The following DIP2C variants were observed in gnomAD, a reference collection of about 807,000 sequenced individuals.
The protein encoded by DIP2C is DIP2 acetate--CoA ligase C (putative).
Under a neutral mutation model 192.4 loss-of-function variants are expected in DIP2C, and 33 were observed. That is an observed-to-expected ratio of 0.17 (90% CI 0.13 to 0.23). DIP2C has a LOEUF of 0.23. DIP2C is among the 10% of genes least tolerant of loss of function. DIP2C has a pLI of 1.00. For missense variants in DIP2C, 1,537 were observed against 2,110.1 expected (o/e 0.73, Z 5.32); for synonymous variants, 979 against 864.1 (o/e 1.13, Z -2.33).
chr10:688,362 C>T (rs1340615899), intron 1 of DIP2C, among the ~76,000 whole-genome samples: 1 of 152,152 alleles, frequency 6.6e-6, no homozygotes, highest in Non-Finnish European at 1.5e-5. Context: ...GTTGGCTGCA[C>T]ACCATGGCCC....
intron 1 of DIP2C, among the ~76,000 whole-genome samples, chr10:537,183 C>T (rs561364183): frequency 4.0e-5 from 6 of 151,576 alleles, no homozygotes; most frequent in Middle Eastern, 3.4e-3. Context: ...TGAAGGAGGG[C>T]GTGGGATCTT....
chr10:580,563 T>C (rs2131585366), intron 1 of DIP2C, among the ~76,000 whole-genome samples: 1 of 152,142 alleles, frequency 6.6e-6, no homozygotes, highest in East Asian at 1.9e-4. Context: ...CATGCACACA[T>C]GTAGGACACA....
rs1163613188 is a variant in DIP2C at position 524,283 on chromosome 10, T to G, written c.86-37753A>C. Among the ~76,000 whole-genome samples, 6 of 152,250 alleles carry G rather than the reference T, an allele frequency of 3.9e-5. No individual in the cohort carries two copies. The East Asian group carries it at 1.2e-3, about 29-fold the overall frequency. On this transcript the variant is annotated intron_variant, in intron 1 of 36. Transcript: ENST00000280886. ...CTTCCAAACCCTGGTACAGACTGTGTGAGGCCTGGAACGCGGGAGGCACAC... is the reference window on the plus strand; with the variant it reads ...CTTCCAAACCCTGGTACAGACTGTGGGAGGCCTGGAACGCGGGAGGCACAC...
At chr10:604,802 T>A (rs1852349600) in intron 1 of DIP2C, among the ~76,000 whole-genome samples, 2 of 152,202 alleles carry the variant, frequency 1.3e-5, no homozygotes, top group African/African-American at 2.4e-5. Context: ...TGGATAAGCA[T>A]GATTTTCTTC....
At chr10:458,884 A>G (rs1308673744) in intron 3 of DIP2C, among the ~76,000 whole-genome samples, 2 of 152,192 alleles carry the variant, frequency 1.3e-5, no homozygotes, top group East Asian at 3.9e-4. Context: ...AAAGAATACT[A>G]GAACACAAGT....
chr10:492,302 AGGGC>A (rs1490178172), intron 1 of DIP2C, among the ~76,000 whole-genome samples: 1 of 152,210 alleles, frequency 6.6e-6, no homozygotes, highest in Non-Finnish European at 1.5e-5. Flanking sequence ...AACTCCCCAC[AGGGC>A]CTCCAAGTCC....
At chr10:653,995 C>A (rs149267155) in intron 1 of DIP2C, among the ~76,000 whole-genome samples, 4 of 152,172 alleles carry the variant, frequency 2.6e-5, no homozygotes, top group African/African-American at 9.7e-5. Flanking sequence ...AGGAACACCA[C>A]GAATACCTTC....
chr10:485,069 A>G, intron 2 of DIP2C: 1 of 1,280,114 alleles, frequency 7.8e-7, no homozygotes, highest in Non-Finnish European at 1.0e-6. Context: ...AGGGGACCAC[A>G]GGGCACGACC....
At chr10:459,048 C>G in intron 3 of DIP2C, among the ~76,000 whole-genome samples, 1 of 151,510 alleles carries the variant, frequency 6.6e-6, no homozygotes. Context: ...ACTCTTTGAC[C>G]CAAAGAGCAC....
intron 1 of DIP2C, among the ~76,000 whole-genome samples, chr10:511,411 T>A (rs1204713642): frequency 1.3e-5 from 2 of 152,188 alleles, no homozygotes; most frequent in Admixed American, 6.5e-5. Context: ...AACCTTAATA[T>A]CAGATTCAAC....
intron 3 of DIP2C, among the ~76,000 whole-genome samples, chr10:459,722 G>A (rs1385318349): frequency 2.0e-5 from 3 of 149,812 alleles, no homozygotes; most frequent in Non-Finnish European, 4.4e-5. Context: ...ATCACATCAG[G>A]GAACGGCGTG....
chr10:506,534 T>C (rs1311807761), intron 1 of DIP2C, among the ~76,000 whole-genome samples: 1 of 152,094 alleles, frequency 6.6e-6, no homozygotes, highest in Non-Finnish European at 1.5e-5. Flanking sequence ...TCATCTCAAA[T>C]GTGATGGGGA....
intron 1 of DIP2C, among the ~76,000 whole-genome samples, chr10:596,633 C>A (rs2131670699): frequency 6.6e-6 from 1 of 151,332 alleles, no homozygotes; most frequent in South Asian, 2.1e-4. Flanking sequence ...GAATAGGACA[C>A]AGTTCCTCCC....
intron 1 of DIP2C, among the ~76,000 whole-genome samples, chr10:675,001 C>A (rs1397452495): frequency 6.6e-6 from 1 of 152,026 alleles, no homozygotes; most frequent in East Asian, 1.9e-4. Context: ...TTCTTCTCCT[C>A]AGCACATGGA....
intron 31 of DIP2C, among the ~76,000 whole-genome samples, chr10:325,235 A>G (rs1000747996): frequency 7.9e-5 from 12 of 152,302 alleles, no homozygotes; most frequent in Middle Eastern, 3.4e-3. Context: ...AATGCACTCC[A>G]GCCTGGGCAA....
intron 16 of DIP2C, among the ~76,000 whole-genome samples, chr10:383,074 C>T (rs1205032007): frequency 2.0e-5 from 3 of 152,098 alleles, no homozygotes; most frequent in African/African-American, 4.8e-5. Flanking sequence ...TAAATCTAAA[C>T]CAAATGAAGA....
intron 1 of DIP2C, among the ~76,000 whole-genome samples, chr10:538,440 G>GCATGAGC (rs1274196595): frequency 5.3e-5 from 8 of 152,300 alleles, no homozygotes; most frequent in Admixed American, 2.0e-4. Context: ...TAGGCATGAG[G>GCATGAGC]CATGAGCCAT....
At chr10:391,734 C>T (rs527279223) in intron 10 of DIP2C, among the ~76,000 whole-genome samples, 1 of 152,318 alleles carries the variant, frequency 6.6e-6, no homozygotes, top group Admixed American at 6.5e-5. Context: ...CTTCGCTCCC[C>T]AGATGGCTCA....
intron 32 of DIP2C, among the ~76,000 whole-genome samples, chr10:301,676 C>T (rs776687228): frequency 4.6e-5 from 7 of 152,202 alleles, no homozygotes; most frequent in Non-Finnish European, 8.8e-5. Flanking sequence ...CTGCCTCTTC[C>T]ATCTCCTGAA....
Sources: allele counts gnomAD v4.1 joint callset (sites outside exome capture counted in the v4.1 genomes callset), GRCh38; gene constraint gnomAD v4.1.1; transcripts MANE v1.5; gene names NCBI Gene and HGNC (gene_info 2026-07-23, HGNC 2026-07-21).